Variants in RALYL observed in about 807,000 individuals in gnomAD.
RALYL encodes RALY RNA binding protein like.
In RALYL, 29 loss-of-function variants were observed where a neutral mutation model predicts 35.1. The observed-to-expected ratio is 0.83, with a 90% CI of 0.61 to 1.13. The LOEUF (loss-of-function observed/expected upper bound fraction) is 1.13. Ranked by LOEUF, RALYL falls within the 50% of genes most tolerant of loss-of-function variation. The pLI is 0.00. For synonymous variants in RALYL, 120 were observed against 127.6 expected (o/e 0.94, Z 0.40); for missense variants, 359 against 360.4 (o/e 1.00, Z 0.03).
At chr8:84,587,920 A>G (rs925742682) in intron 2 of RALYL, among the ~76,000 whole-genome samples, 2 of 152,178 alleles carry the variant, frequency 1.3e-5, no homozygotes, top group Non-Finnish European at 2.9e-5. Flanking sequence ...TAGAAGGCCA[A>G]AAATTCCAAA....
At chr8:84,531,877 C>G (rs1228614156) in intron 2 of RALYL, among the ~76,000 whole-genome samples, 1 of 151,926 alleles carries the variant, frequency 6.6e-6, no homozygotes, top group Non-Finnish European at 1.5e-5. Context: ...AATGTAGTGC[C>G]TTACATGCAC....
intron 1 of RALYL, among the ~76,000 whole-genome samples, chr8:84,401,768 T>C (rs543046556): frequency 6.6e-6 from 1 of 152,200 alleles, no homozygotes; most frequent in South Asian, 2.1e-4. Context: ...AGCACTGTTT[T>C]TGAGACATAT....
intron 2 of RALYL, among the ~76,000 whole-genome samples, chr8:84,584,141 T>C (rs931314944): frequency 1.3e-5 from 2 of 152,146 alleles, no homozygotes; most frequent in African/African-American, 2.4e-5. Flanking sequence ...GAATGTACAA[T>C]TAAGTTATTG....
intron 1 of RALYL, among the ~76,000 whole-genome samples, chr8:84,257,674 C>T (rs765110626): frequency 3.3e-5 from 5 of 151,964 alleles, no homozygotes; most frequent in South Asian, 2.1e-4. Context: ...AACTCTAGAG[C>T]GTTAGGCAAC....
At chr8:84,869,540 C>T (rs532754943) in intron 6 of RALYL, among the ~76,000 whole-genome samples, 9 of 152,176 alleles carry the variant, frequency 5.9e-5, no homozygotes, top group Non-Finnish European at 1.2e-4. Context: ...TTGGCATGAT[C>T]GGCATTTGGG....
Position 84,786,480 on chromosome 8 carries a change from G to A in RALYL, c.332+11826G>A, listed in dbSNP as rs185245952. ...AGAGTTCTTATTTCTCCACAGCCTC[G>A]CCAGCATCTGTTGTTTCTTGTTTTT... On this transcript the variant is annotated intron_variant, in intron 3 of 8. Transcript: ENST00000521268. Among the ~76,000 whole-genome samples the A allele has an allele frequency of 5.2e-3, 785 of 151,988 alleles. 1 individual carries two copies. The highest frequency in any genetic ancestry group is 9.2e-3 in the Non-Finnish European group (626 of 67,956).
chr8:84,888,018 T>C (rs190019892), intron 8 of RALYL, among the ~76,000 whole-genome samples: 82 of 152,326 alleles, frequency 5.4e-4, no homozygotes, highest in Admixed American at 3.5e-3. Flanking sequence ...TTAGGTATAT[T>C]TAAAGTCCAA....
rs1554553642 is a variant in RALYL at position 84,732,683 on chromosome 8, T to TAC, written c.257-41882_257-41881dup. On this transcript the variant is annotated intron_variant, in intron 2 of 8. Transcript: ENST00000521268. ...TATTAAATAATTATATATATATATATACACACACACACACATATATATAAT... is the reference window on the plus strand; with the variant it reads ...TATTAAATAATTATATATATATATATACACACACACACACACATATATATAAT... 2.9e-4 allele frequency among the ~76,000 whole-genome samples: 38 copies of TAC among 133,250 alleles called. 1 individual carries two copies. The highest frequency in any genetic ancestry group is 4.6e-4 in the African/African-American group (15 of 32,936). The allele number at this position is 133,250 out of a possible 152,430, so 87.4% of individuals were successfully genotyped here. A position where few individuals can be genotyped will look rare whatever the true frequency, so the allele number is the denominator to read the frequency against.
intron 2 of RALYL, among the ~76,000 whole-genome samples, chr8:84,540,447 A>G (rs1026266911): frequency 4.6e-5 from 7 of 152,008 alleles, no homozygotes; most frequent in Non-Finnish European, 1.0e-4. Flanking sequence ...TCATGCACGC[A>G]TTCAAATGAA....
At chr8:84,767,401 C>G (rs1287947868) in intron 2 of RALYL, among the ~76,000 whole-genome samples, 1 of 152,186 alleles carries the variant, frequency 6.6e-6, no homozygotes, top group Non-Finnish European at 1.5e-5. Context: ...TGAAAAGATA[C>G]AGTTAGTAGC....
chr8:84,920,831 A>G, intron 8 of RALYL, 63 bp from the exon 9 acceptor site: 5 of 678,588 alleles, frequency 7.4e-6, no homozygotes, highest in Non-Finnish European at 1.2e-5. Context: ...ATATCAGTAT[A>G]CGCATGCTAT....
intron 1 of RALYL, among the ~76,000 whole-genome samples, chr8:84,240,622 CT>C (rs1157070980): frequency 6.6e-6 from 1 of 152,260 alleles, no homozygotes; most frequent in East Asian, 1.9e-4. Flanking sequence ...GGAGAGGGGT[CT>C]TTATACTTCA....
At chr8:84,600,994 A>C (rs1815806456) in intron 2 of RALYL, among the ~76,000 whole-genome samples, 1 of 152,116 alleles carries the variant, frequency 6.6e-6, no homozygotes, top group African/African-American at 2.4e-5. Context: ...ATAATGTATA[A>C]ACTATGTGGA....
At chr8:84,629,578 C>T (rs954531541) in intron 2 of RALYL, among the ~76,000 whole-genome samples, 1 of 151,822 alleles carries the variant, frequency 6.6e-6, no homozygotes, top group Non-Finnish European at 1.5e-5. Context: ...GAAAATGGTA[C>T]AGTGGAGATG....
intron 2 of RALYL, among the ~76,000 whole-genome samples, chr8:84,553,896 A>C (rs1248199507): frequency 6.6e-6 from 1 of 152,208 alleles, no homozygotes; most frequent in Non-Finnish European, 1.5e-5. Flanking sequence ...CAGAAAATTT[A>C]AGTGTTACAC....
At chr8:84,793,531 G>A (rs945216644) in intron 3 of RALYL, among the ~76,000 whole-genome samples, 9 of 152,166 alleles carry the variant, frequency 5.9e-5, no homozygotes, top group African/African-American at 1.9e-4. Context: ...TTATCTCAGA[G>A]AGCATTCCAG....
In RALYL at chr8:84,349,957, C is replaced by T. The variant is rs117906228; in HGVS notation, c.-24+165533C>T. The stretch of plus-strand genomic sequence containing the variant: ...CACCACTGCACAACTCCCAATCCCC[C>T]AGCAAAAATATAAACAACTTCTTCC... On this transcript the variant is annotated intron_variant, in intron 1 of 8. Coordinates refer to ENST00000521268, the MANE Select transcript of RALYL (RefSeq NM_173848.7). Among the ~76,000 whole-genome samples the T allele has an allele frequency of 2.8e-4, 42 of 150,396 alleles. 1 individual carries two copies. In the East Asian group the frequency reaches 7.7e-3, roughly 28 times the overall value.
intron 2 of RALYL, among the ~76,000 whole-genome samples, chr8:84,627,912 C>G (rs1031707018): frequency 3.9e-5 from 6 of 152,166 alleles, no homozygotes; most frequent in African/African-American, 1.4e-4. Flanking sequence ...ATGTCTATTT[C>G]CATTGTCAAA....
At chr8:84,514,112 A>AAG (rs2057858056) in intron 1 of RALYL, among the ~76,000 whole-genome samples, 1 of 140,036 alleles carries the variant, frequency 7.1e-6, no homozygotes, top group African/African-American at 2.7e-5. Flanking sequence ...AAAAAAAAAA[A>AAG]AAAGAAAGAA....
Sources: allele counts gnomAD v4.1 joint callset (sites outside exome capture counted in the v4.1 genomes callset), GRCh38; gene constraint gnomAD v4.1.1; transcripts MANE v1.5; gene names NCBI Gene and HGNC (gene_info 2026-07-23, HGNC 2026-07-21).